The following CYB561 variants were observed in gnomAD, a reference collection of about 807,000 sequenced individuals.
CYB561 encodes the protein cytochrome b561.
Under a neutral mutation model 25.3 loss-of-function variants are expected in CYB561, and 11 were observed. That is an observed-to-expected ratio of 0.44 (90% CI 0.27 to 0.72). CYB561 has a LOEUF of 0.72. CYB561 is among the 30% of genes least tolerant of loss of function. The pLI is 0.18. For missense variants in CYB561, 295 were observed against 334.9 expected (o/e 0.88, Z 0.93); for synonymous variants, 165 against 158.8 (o/e 1.04, Z -0.29).
Position 63,436,965 on chromosome 17 carries a change from CAT to C in CYB561, c.202+379_202+380del, listed in dbSNP as rs2049308358. Reference sequence around the variant, plus strand: ...TGCCAAGTCCAAGACCAACAACACACATGCGCGCGCACGCACGCACGCATACA... The same window carrying C: ...TGCCAAGTCCAAGACCAACAACACACGCGCGCGCACGCACGCACGCATACA... On this transcript the variant is annotated intron_variant, in intron 2 of 5. Coordinates refer to ENST00000360793, the MANE Select transcript of CYB561 (RefSeq NM_001915.4). This position sits in a 1 kb window ranked among gnomAD's most constrained non-coding sequence, Gnocchi z 4.8. 1 of 229,538 alleles carries C rather than the reference CAT, an allele frequency of 4.4e-6. No individual in the cohort carries two copies. The highest frequency in any genetic ancestry group is 6.4e-5 in the South Asian group (1 of 15,642). 14.2% of individuals were successfully genotyped at this position (229,538 alleles called of 1,614,324 possible).
chr17:63,434,786 G>A (rs1474697863), intron 5 of CYB561, among the ~76,000 whole-genome samples, 192 bp from the exon 6 acceptor site: 1 of 152,102 alleles, frequency 6.6e-6, no homozygotes, highest in Non-Finnish European at 1.5e-5. Flanking sequence ...GACAAAAAGA[G>A]ATGGGCAATG....
intron 4 of CYB561, 91 bp from the exon 5 acceptor site, chr17:63,435,334 GC>G: frequency 7.2e-7 from 1 of 1,388,050 alleles, no homozygotes; most frequent in Non-Finnish European, 1.0e-6. Flanking sequence ...TGCCCACGTG[GC>G]GACTGTGAGC....
chr17:63,442,823 C>T (rs995581064), intron 1 of CYB561: 3 of 152,056 alleles, frequency 2.0e-5, no homozygotes, highest in Non-Finnish European at 4.4e-5. Context: ...ACAGCATGAC[C>T]CGCAGATCTT....
rs2049317135 is a variant in CYB561 at position 63,437,518 on chromosome 17, G to T, written c.30C>A (p.Pro10=). Residue 10 remains proline (P), a synonymous_variant, in exon 2 of 6, where the codon CCC becomes CCA. Coordinates refer to ENST00000360793, the MANE Select transcript of CYB561 (RefSeq NM_001915.4). MEGGAAAAT[P]TALPYYVAFS... is the part of the protein sequence containing the mutation. ...AGGCCACGTAGTAAGGCAGTGCTGT[G>T]GGGGTGGCTGCCGCGGCCCCGCCCT... 1 of 1,612,538 alleles carries T rather than the reference G, an allele frequency of 6.2e-7. No individual in the cohort carries two copies. Among genetic ancestry groups the T allele is most frequent in the Admixed American group, 1.7e-5 (1 of 60,004 alleles).
At chr17:63,437,771 G>A (rs2049325533) in intron 1 of CYB561, 1 of 455,444 alleles carries the variant, frequency 2.2e-6, no homozygotes, top group Admixed American at 4.4e-5. Flanking sequence ...CCTGCTAGAT[G>A]CGCGCAACAC....
rs752360445 is a variant in CYB561 at position 63,436,149 on chromosome 17, A to G, written c.206T>C (p.Leu69Pro). 3 of 1,613,690 alleles carry G rather than the reference A, an allele frequency of 1.9e-6. No homozygotes were observed. Among genetic ancestry groups the G allele is most frequent in the Non-Finnish European group, 2.5e-6 (3 of 1,179,714 alleles). Residue 69 changes from leucine (L) to proline (P), a missense_variant, in exon 3 of 6, where the codon CTG becomes CCG. Transcript: ENST00000360793. This position sits in a 1 kb window ranked among gnomAD's most constrained non-coding sequence, Gnocchi z 4.8. ...GTTCCTGAAGACACGGTAAACCAGC[A>G]GGGCTGTGGGAGGTGAGAGAGGGAA... is the stretch of plus-strand genomic sequence containing the variant. ...IGLIFLQGNA[L>P]LVYRVFRNEA...
In CYB561 at chr17:63,443,264, G is replaced by C. The variant is rs563002332; in HGVS notation, c.-14+2981C>G. ...CTGCATCCTCCCCACGCTTGTACCA[G>C]CATGGCACTAAGCCCTGGTGCATGC... On this transcript the variant is annotated intron_variant, in intron 1 of 5. Coordinates refer to ENST00000360793, the MANE Select transcript of CYB561 (RefSeq NM_001915.4). Among the ~76,000 whole-genome samples, 72 of 152,264 alleles carry C rather than the reference G, an allele frequency of 4.7e-4. 1 individual carries two copies. Among genetic ancestry groups the C allele is most frequent in the Middle Eastern group, 3.4e-3 (1 of 294 alleles).
Position 63,436,113 on chromosome 17 carries a change from C to G in CYB561, c.242G>C (p.Arg81Pro). The change falls in exon 3 of 6, where the codon CGC becomes CCC. Residue 81 changes from arginine (R) to proline (P), a missense_variant. Arg to Pro is a moderately radical substitution (Grantham distance 103). Transcript: ENST00000360793. This position sits in a 1 kb window ranked among gnomAD's most constrained non-coding sequence, Gnocchi z 4.8. Reference sequence around the variant, plus strand: ...CAGCCCGTGCAGGACCTTGGTGGTGCGTTTAGCTTCGTTCCTGAAGACACG... The same window carrying G: ...CAGCCCGTGCAGGACCTTGGTGGTGGGTTTAGCTTCGTTCCTGAAGACACG... ...VYRVFRNEAK[R>P]TTKVLHGLLH... The G allele has an allele frequency of 6.2e-7, 1 of 1,614,174 alleles. No individual in the cohort carries two copies. Among genetic ancestry groups the G allele is most frequent in the Non-Finnish European group, 8.5e-7 (1 of 1,180,008 alleles).
rs1568021383 is a variant in CYB561 at position 63,434,355 on chromosome 17, G to GCCTGAAGATGCCTCA, written c.*46_*47insTGAGGCATCTTCAGG. ...GCAGTCCTGAAGACGCCTCAGCAGG[G>GCCTGAAGATGCCTCA]GCAGGCAAGAAGACACCCCGCGAAC... is the stretch of plus-strand genomic sequence containing the variant. On this transcript the variant is annotated 3_prime_UTR_variant, in exon 6 of 6. Coordinates refer to ENST00000360793, the MANE Select transcript of CYB561 (RefSeq NM_001915.4). 1.4e-6 allele frequency: 2 copies of GCCTGAAGATGCCTCA among 1,480,466 alleles called. No individual in the cohort carries two copies. Among genetic ancestry groups the GCCTGAAGATGCCTCA allele is most frequent in the Admixed American group, 4.3e-5 (2 of 46,468 alleles). The allele number at this position is 1,480,466 out of a possible 1,614,324, so 91.7% of individuals were successfully genotyped here. A position where few individuals can be genotyped will look rare whatever the true frequency, so the allele number is the denominator to read the frequency against.
chr17:63,437,881 A>G (rs2049328326), intron 1 of CYB561: 3 of 292,640 alleles, frequency 1.0e-5, no homozygotes, highest in Non-Finnish European at 1.8e-5. Flanking sequence ...AGATGCGAGC[A>G]GCCCCCCTGA....
intron 1 of CYB561, among the ~76,000 whole-genome samples, chr17:63,440,431 C>T (rs2049363370): frequency 6.6e-6 from 1 of 152,240 alleles, no homozygotes; most frequent in African/African-American, 2.4e-5. Flanking sequence ...CAGCTTCTCC[C>T]TCTTCAACGT....
Position 63,434,030 on chromosome 17 carries a change from GC to G in CYB561, c.*371del, listed in dbSNP as rs546890726. 9 of 246,536 alleles carry G rather than the reference GC, an allele frequency of 3.7e-5. No individual in the cohort carries two copies. The highest frequency in any genetic ancestry group is 5.4e-5 in the Non-Finnish European group (7 of 129,076). The allele number at this position is 246,536 out of a possible 1,614,324, so 15.3% of individuals were successfully genotyped here. On this transcript the variant is annotated 3_prime_UTR_variant, in exon 6 of 6. Coordinates refer to ENST00000360793, the MANE Select transcript of CYB561 (RefSeq NM_001915.4). ...TGGCCTTTCCAGGCCTGTCCCTGAGGCCCCCCCAGTTTCCCCTGGCCTTGCC... is the reference window on the plus strand; with the variant it reads ...TGGCCTTTCCAGGCCTGTCCCTGAGGCCCCCCAGTTTCCCCTGGCCTTGCC...
At chr17:63,435,932 G>A in intron 3 of CYB561, 122 bp downstream of exon 3, 4 of 1,591,534 alleles carry the variant, frequency 2.5e-6, no homozygotes, top group African/African-American at 2.7e-5. Flanking sequence ...CCCTGCAGGG[G>A]ATGTTTGGGG....
chr17:63,433,784 C>T lies in CYB561; in HGVS notation c.*618G>A, dbSNP rs1484262223. Reference sequence around the variant, plus strand: ...CTCTCCCACCAAAGCCATCCTAGGGCTAAAGGGTTAAAGAAGAGGAAGGTC... The same window carrying T: ...CTCTCCCACCAAAGCCATCCTAGGGTTAAAGGGTTAAAGAAGAGGAAGGTC... On this transcript the variant is annotated 3_prime_UTR_variant, in exon 6 of 6. Coordinates refer to ENST00000360793, the MANE Select transcript of CYB561 (RefSeq NM_001915.4). The T allele has an allele frequency of 5.1e-6, 1 of 194,742 alleles. No homozygotes were observed. The highest frequency in any genetic ancestry group is 2.3e-5 in the African/African-American group (1 of 43,168). 12.1% of individuals were successfully genotyped at this position (194,742 alleles called of 1,614,324 possible). A position where few individuals can be genotyped will look rare whatever the true frequency, so the allele number is the denominator to read the frequency against.
At chr17:63,441,885 T>A (rs1356778484) in intron 1 of CYB561, among the ~76,000 whole-genome samples, 3 of 152,196 alleles carry the variant, frequency 2.0e-5, no homozygotes, top group Non-Finnish European at 4.4e-5. Context: ...ACCATGGCAC[T>A]AAGCACTGGT....
chr17:63,442,825 G>T (rs954037481), intron 1 of CYB561: 1 of 152,010 alleles, frequency 6.6e-6, no homozygotes, highest in African/African-American at 2.4e-5. Flanking sequence ...AGCATGACCC[G>T]CAGATCTTCA....
At position 63,433,776 on chromosome 17, in the gene CYB561, T is replaced by C. The variant is rs2049260781; in HGVS notation, c.*626A>G. ...TCTATCCCCTCTCCCACCAAAGCCATCCTAGGGCTAAAGGGTTAAAGAAGA... is the reference window on the plus strand; with the variant it reads ...TCTATCCCCTCTCCCACCAAAGCCACCCTAGGGCTAAAGGGTTAAAGAAGA... On this transcript the variant is annotated 3_prime_UTR_variant, in exon 6 of 6. Transcript: ENST00000360793. The C allele has an allele frequency of 5.0e-6, 1 of 200,632 alleles. No homozygotes were observed. The highest frequency in any genetic ancestry group is 1.9e-4 in the South Asian group (1 of 5,266). The allele number at this position is 200,632 out of a possible 1,614,324, so 12.4% of individuals were successfully genotyped here.
Position 63,436,108 on chromosome 17 carries a change from T to A in CYB561, c.247A>T (p.Thr83Ser). The change falls in exon 3 of 6, where the codon ACC becomes TCC. Residue 83 changes from threonine to serine, a missense_variant. By Grantham distance (58) the Thr-to-Ser change is moderately conservative (BLOSUM62 1). Coordinates refer to ENST00000360793, the MANE Select transcript of CYB561 (RefSeq NM_001915.4). The surrounding 1 kb of genome is among the most constrained non-coding windows in gnomAD (Gnocchi z 4.8). Reference protein sequence around the residue: ...RVFRNEAKRTTKVLHGLLHIF... With the variant: ...RVFRNEAKRTSKVLHGLLHIF... The stretch of plus-strand genomic sequence containing the variant: ...TGCAGCAGCCCGTGCAGGACCTTGG[T>A]GGTGCGTTTAGCTTCGTTCCTGAAG... The A allele has an allele frequency of 6.2e-7, 1 of 1,614,162 alleles. No individual in the cohort carries two copies. The highest frequency in any genetic ancestry group is 2.2e-5 in the East Asian group (1 of 44,872).
chr17:63,444,946 C>T (rs1270122309), intron 1 of CYB561, among the ~76,000 whole-genome samples: 2 of 152,114 alleles, frequency 1.3e-5, no homozygotes, highest in Non-Finnish European at 2.9e-5. Flanking sequence ...GATGCCAAGG[C>T]GGGCAGATCA....
Sources: allele counts gnomAD v4.1 joint callset (sites outside exome capture counted in the v4.1 genomes callset), GRCh38; gene constraint gnomAD v4.1.1; non-coding constraint Gnocchi (gnomAD v3.1); transcripts MANE v1.5; gene names NCBI Gene and HGNC (gene_info 2026-07-23, HGNC 2026-07-21).